SLC38A4: variants seen among roughly 807,000 people sequenced by gnomAD.
The protein encoded by SLC38A4 is sodium-coupled neutral amino acid transporter 4.
SLC38A4 carries 20 observed loss-of-function variants against 63.1 expected under a neutral mutation model. The observed-to-expected ratio is 0.32, with a 90% CI of 0.22 to 0.46. The LOEUF (loss-of-function observed/expected upper bound fraction) is 0.46. SLC38A4 is among the 20% of genes least tolerant of loss of function. The probability of loss-of-function intolerance (pLI) is 1.00; values close to 1 mark genes in which losing one functional copy is unlikely to be tolerated. For missense variants in SLC38A4, 526 were observed against 663.6 expected (o/e 0.79, Z 2.28); for synonymous variants, 230 against 225.5 (o/e 1.02, Z -0.18).
intron 1 of SLC38A4, among the ~76,000 whole-genome samples, chr12:46,815,278 T>TACAC (rs1458513641): frequency 1.2e-5 from 1 of 86,622 alleles, no homozygotes; most frequent in African/African-American, 4.6e-5. Flanking sequence ...TATATATATA[T>TACAC]ATATATACAC....
chr12:46,774,734 T>C (rs1442937205), intron 14 of SLC38A4, among the ~76,000 whole-genome samples: 2 of 152,006 alleles, frequency 1.3e-5, no homozygotes, highest in Non-Finnish European at 2.9e-5. Context: ...GCTTTCAAGG[T>C]TCCAAAGTTA....
intron 2 of SLC38A4, among the ~76,000 whole-genome samples, chr12:46,801,067 A>C (rs953200447): frequency 1.3e-5 from 2 of 152,176 alleles, no homozygotes; most frequent in Admixed American, 6.6e-5. Flanking sequence ...GCAGAAACAG[A>C]CTGGATTTTC....
upstream of SLC38A4, chr12:46,826,039 G>A (rs1181951109): frequency 6.6e-6 from 1 of 152,252 alleles, no homozygotes; most frequent in Non-Finnish European, 1.5e-5. Context: ...CCCCAGCCAC[G>A]CCCCTAGATG....
intron 1 of SLC38A4, among the ~76,000 whole-genome samples, chr12:46,811,774 T>G (rs969519169): frequency 6.6e-6 from 1 of 152,020 alleles, no homozygotes; most frequent in African/African-American, 2.4e-5. Flanking sequence ...GTGGACCTGG[T>G]CCTCTGCTTT....
At position 46,806,506 on chromosome 12, in the gene SLC38A4, G is replaced by A. The variant is rs1939235568; in HGVS notation, c.-304-2712C>T. On this transcript the variant is annotated intron_variant, in intron 1 of 16. Transcript: ENST00000266579. ...TGATAGTTTGGGTTTGGTGATGTTT[G>A]CCTATCTGAGAATAATGGCAGAAGG... 2.6e-5 allele frequency among the ~76,000 whole-genome samples: 4 copies of A among 151,958 alleles called. No homozygotes were observed. The South Asian group carries it at 8.3e-4, about 32-fold the overall frequency.
chr12:46,819,542 T>G (rs1939501720), intron 1 of SLC38A4, among the ~76,000 whole-genome samples: 1 of 151,906 alleles, frequency 6.6e-6, no homozygotes, highest in Non-Finnish European at 1.5e-5. Flanking sequence ...CTTAAAGAGT[T>G]CTTTTCTTTT....
chr12:46,781,221 GA>G (rs1229536225), intron 7 of SLC38A4, among the ~76,000 whole-genome samples: 8 of 152,136 alleles, frequency 5.3e-5, no homozygotes, highest in African/African-American at 1.9e-4. Flanking sequence ...CATACAGCTT[GA>G]AAAGGACGGA....
intron 1 of SLC38A4, among the ~76,000 whole-genome samples, chr12:46,805,842 A>T (rs1200627671): frequency 6.6e-6 from 1 of 152,024 alleles, no homozygotes; most frequent in Non-Finnish European, 1.5e-5. Flanking sequence ...AAGAAATTAA[A>T]ATATGTGCCA....
At chr12:46,824,855 C>A (rs1939615641) in intron 1 of SLC38A4, among the ~76,000 whole-genome samples, 1 of 152,196 alleles carries the variant, frequency 6.6e-6, no homozygotes, top group Admixed American at 6.5e-5. Flanking sequence ...GGTCAGATTG[C>A]ACAAATCTAC....
At chr12:46,798,374 C>T (rs773822103) in intron 2 of SLC38A4, among the ~76,000 whole-genome samples, 5 of 152,100 alleles carry the variant, frequency 3.3e-5, no homozygotes, top group African/African-American at 4.8e-5. Flanking sequence ...AGAAATCCAC[C>T]GTGTTCTCTA....
At chr12:46,795,922 A>T (rs991940803) in intron 2 of SLC38A4, among the ~76,000 whole-genome samples, 1 of 144,672 alleles carries the variant, frequency 6.9e-6, no homozygotes, top group East Asian at 2.1e-4. Context: ...AGACGGCCCA[A>T]TCAAAAGGCT....
chr12:46,792,655 T>TA (rs1938914421), intron 3 of SLC38A4, among the ~76,000 whole-genome samples: 1 of 152,054 alleles, frequency 6.6e-6, no homozygotes, highest in Non-Finnish European at 1.5e-5. Flanking sequence ...CCAGGAGGTG[T>TA]AGCAACATTC....
intron 2 of SLC38A4, among the ~76,000 whole-genome samples, chr12:46,801,277 T>C (rs1939127438): frequency 6.6e-6 from 1 of 152,134 alleles, no homozygotes; most frequent in Admixed American, 6.5e-5. Context: ...TGTAATGTCT[T>C]GTTCTTTGGA....
chr12:46,821,637 A>T (rs527689247), intron 1 of SLC38A4, among the ~76,000 whole-genome samples: 1 of 152,222 alleles, frequency 6.6e-6, no homozygotes, highest in Admixed American at 6.5e-5. Context: ...TGATGGCTCC[A>T]GCTTTGTTCT....
At chr12:46,796,506 G>A (rs976687319) in intron 2 of SLC38A4, among the ~76,000 whole-genome samples, 1 of 152,110 alleles carries the variant, frequency 6.6e-6, no homozygotes, top group Non-Finnish European at 1.5e-5. Flanking sequence ...GGTACTCAGA[G>A]CTTCTCTGAA....
chr12:46,809,495 G>A (rs1034718929), intron 1 of SLC38A4, among the ~76,000 whole-genome samples: 4 of 152,024 alleles, frequency 2.6e-5, no homozygotes, highest in African/African-American at 9.7e-5. Flanking sequence ...TGGACTCCAA[G>A]CAACTCCCAG....
At chr12:46,801,912 AC>A (rs1360712307) in intron 2 of SLC38A4, among the ~76,000 whole-genome samples, 1 of 152,090 alleles carries the variant, frequency 6.6e-6, no homozygotes, top group Non-Finnish European at 1.5e-5. Flanking sequence ...GCAGAACTGT[AC>A]TTGACTATTT....
intron 6 of SLC38A4, 65 bp from the exon 7 acceptor site, chr12:46,784,699 TA>T: frequency 7.8e-7 from 1 of 1,282,436 alleles, no homozygotes; most frequent in Non-Finnish European, 1.1e-6. Context: ...ATTTTTGTCA[TA>T]TAATTCCATG....
At position 46,778,534 on chromosome 12, in the gene SLC38A4, C is replaced by T. The variant is rs759720674; in HGVS notation, c.960G>A (p.Lys320=). The T allele has an allele frequency of 1.2e-6, 2 of 1,612,744 alleles. No individual in the cohort carries two copies. The highest frequency in any genetic ancestry group is 1.7e-6 in the Non-Finnish European group (2 of 1,179,180). Residue 320 remains lysine, a synonymous_variant, in exon 11 of 17, where the codon AAG becomes AAA. Transcript: ENST00000266579. ...TGAATACAAAGTATTTGGGTTCACA[C>T]TTGTCATCACTATGAGCTTCATATT... ...GVEYEAHSDD[K]CEPKYFVFNS... is the part of the protein sequence containing the mutation.
Sources: allele counts gnomAD v4.1 joint callset (sites outside exome capture counted in the v4.1 genomes callset), GRCh38; gene constraint gnomAD v4.1.1; transcripts MANE v1.5; gene names NCBI Gene and HGNC (gene_info 2026-07-23, HGNC 2026-07-21).